Variants in SYNE1 observed in about 807,000 individuals in gnomAD.
The protein encoded by SYNE1 is nesprin-1.
Under a neutral mutation model 1,111.0 loss-of-function variants are expected in SYNE1, and 616 were observed. The ratio of observed to expected loss-of-function variants is 0.55; its 90% CI spans 0.52 to 0.59. SYNE1 has a LOEUF of 0.59. Ranked by LOEUF, SYNE1 falls within the 20% of genes least tolerant of loss-of-function variation. The pLI is 0.00. For missense variants in SYNE1, 10,006 were observed against 10,417.0 expected (o/e 0.96, Z 1.72); for synonymous variants, 3,855 against 3,825.8 (o/e 1.01, Z -0.28).
intron 11 of SYNE1, among the ~76,000 whole-genome samples, chr6:152,497,100 G>A (rs1232013525): frequency 6.6e-6 from 1 of 152,068 alleles, no homozygotes; most frequent in African/African-American, 2.4e-5. Context: ...GCCTGCACTT[G>A]GGTGATTAAA....
chr6:152,266,953 G>A (rs1284655679), intron 100 of SYNE1, among the ~76,000 whole-genome samples: 2 of 151,096 alleles, frequency 1.3e-5, no homozygotes, highest in African/African-American at 4.9e-5. Context: ...TATTATTGAC[G>A]GTCTATTCTA....
At position 152,387,345 on chromosome 6, in the gene SYNE1, A is replaced by C; in HGVS notation, c.8214T>G (p.Tyr2738Ter). ...LESVISQWND[Y>*]VERKNQLEQW... Reference sequence around the variant, plus strand: ...GCTCCAACTGGTTTTTCCTCTCTACATAGTCATTCCATTGGCTAATCACAG... The same window carrying C: ...GCTCCAACTGGTTTTTCCTCTCTACCTAGTCATTCCATTGGCTAATCACAG... Residue 2738 changes from tyrosine to a stop codon, truncating the protein, a stop_gained, in exon 54 of 146, where the codon TAT (tyrosine) becomes TAG (stop). Transcript: ENST00000367255. LOFTEE classifies it high-confidence loss of function. 6.2e-7 allele frequency: 1 copy of C among 1,614,160 alleles called. No homozygotes were observed. Among genetic ancestry groups the C allele is most frequent in the Non-Finnish European group, 8.5e-7 (1 of 1,180,008 alleles).
At chr6:152,298,753 A>T (rs976724614) in intron 93 of SYNE1, among the ~76,000 whole-genome samples, 4 of 152,166 alleles carry the variant, frequency 2.6e-5, no homozygotes, top group Admixed American at 1.3e-4. Context: ...TCATGGTGTC[A>T]TATTTTTTCA....
At chr6:152,512,887 G>C (rs2099092371) in intron 6 of SYNE1, among the ~76,000 whole-genome samples, 1 of 152,094 alleles carries the variant, frequency 6.6e-6, no homozygotes, top group Non-Finnish European at 1.5e-5. Context: ...CATCCAAAGA[G>C]AATGAAGAAT....
At chr6:152,300,916 T>A in intron 92 of SYNE1, 135 bp from the exon 93 acceptor site, 5 of 1,196,786 alleles carry the variant, frequency 4.2e-6, no homozygotes, top group Non-Finnish European at 4.8e-6. Context: ...ATTCACATAT[T>A]AATCCTGTGT....
intron 76 of SYNE1, chr6:152,336,602 G>C: frequency 1.8e-6 from 1 of 570,016 alleles, no homozygotes; most frequent in East Asian, 3.3e-5. Flanking sequence ...GATCTGACAG[G>C]AGGTGGAGTT....
At chr6:152,485,121 G>T in intron 12 of SYNE1, 149 bp from the exon 13 acceptor site, 1 of 934,978 alleles carries the variant, frequency 1.1e-6, no homozygotes, top group South Asian at 1.6e-5. Context: ...GATACTAATA[G>T]CAGCTGTCAT....
At chr6:152,400,140 C>A (rs1309131064) in intron 47 of SYNE1, among the ~76,000 whole-genome samples, 1 of 151,808 alleles carries the variant, frequency 6.6e-6, no homozygotes, top group African/African-American at 2.4e-5. Context: ...GATTAGAGAC[C>A]ATCGCAGTTC....
intron 131 of SYNE1, among the ~76,000 whole-genome samples, chr6:152,159,123 C>T (rs139984270): frequency 2.0e-4 from 31 of 152,204 alleles, no homozygotes; most frequent in South Asian, 6.2e-4. Flanking sequence ...AGCTAATTTT[C>T]GTATTTTTAG....
intron 62 of SYNE1, 27 bp from the exon 63 acceptor site, chr6:152,365,046 T>C (rs2097043015): frequency 2.5e-6 from 4 of 1,613,302 alleles, no homozygotes; most frequent in Non-Finnish European, 3.4e-6. Context: ...AGAAGTCCTT[T>C]GTCATTTGTA....
rs2097913021 is a variant in SYNE1, at chr6:152,407,127, A to G, written c.6610T>C (p.Ser2204Pro). The change falls in exon 45 of 146, where the codon TCA (serine) becomes CCA (proline). Residue 2204 changes from serine (S) to proline (P), a missense_variant. Ser to Pro is a moderately conservative substitution (Grantham distance 74, BLOSUM62 -1). Transcript: ENST00000367255. ...CATCCCTCAATCTCATCTCTAGTTG[A>G]CAGTACATCATCCCAAATGGACAGG... ...VSLSIWDDVL[S>P]TRDEIEGWSN... 1.9e-6 allele frequency: 3 copies of G among 1,614,022 alleles called. No homozygotes were observed. The highest frequency in any genetic ancestry group is 1.7e-6 in the Non-Finnish European group (2 of 1,179,998).
intron 18 of SYNE1, among the ~76,000 whole-genome samples, chr6:152,464,111 A>C (rs1345459070): frequency 6.6e-6 from 1 of 152,202 alleles, no homozygotes; most frequent in Non-Finnish European, 1.5e-5. Flanking sequence ...CCATCGAAGC[A>C]AAAAATTTTA....
In SYNE1 at chr6:152,206,327, G is replaced by C. The variant is rs920698459; in HGVS notation, c.22860C>G (p.Ser7620Arg). ...KEKVFLRQQG[S>R]YILTVEAGKQ... Reference sequence around the variant, plus strand: ...TGCCAGCCTCCACAGTCAGGATGTAGCTGCCTTGTTGCCGCAGAAACACTT... The same window carrying C: ...TGCCAGCCTCCACAGTCAGGATGTACCTGCCTTGTTGCCGCAGAAACACTT... The change falls in exon 126 of 146, where the codon AGC becomes AGG. Residue 7620 changes from serine to arginine, a missense_variant. Ser to Arg is a moderately radical substitution (Grantham distance 110). Coordinates refer to ENST00000367255, the MANE Select transcript of SYNE1 (RefSeq NM_182961.4). 5.0e-6 allele frequency: 8 copies of C among 1,614,028 alleles called. No individual in the cohort carries two copies. The Middle Eastern group carries it at 1.3e-3, about 271-fold the overall frequency.
At chr6:152,290,493 T>G (rs952346332) in intron 95 of SYNE1, among the ~76,000 whole-genome samples, 3 of 152,068 alleles carry the variant, frequency 2.0e-5, no homozygotes, top group African/African-American at 7.2e-5. Context: ...GGAGGTGAGG[T>G]TGCAGTGAGC....
chr6:152,343,475 T>C (rs548307588), intron 74 of SYNE1, among the ~76,000 whole-genome samples: 10 of 149,368 alleles, frequency 6.7e-5, no homozygotes, highest in Non-Finnish European at 1.3e-4. Context: ...TCTTTCTTTT[T>C]TTTTTTTCTT....
intron 106 of SYNE1, among the ~76,000 whole-genome samples, chr6:152,244,219 G>A (rs1028244733): frequency 5.9e-5 from 9 of 152,102 alleles, no homozygotes; most frequent in Middle Eastern, 3.4e-3. Flanking sequence ...ATTTTTCTAG[G>A]TAGGATTAAA....
chr6:152,212,911 AT>A (rs1269648229), intron 123 of SYNE1, among the ~76,000 whole-genome samples: 3 of 152,172 alleles, frequency 2.0e-5, no homozygotes, highest in Non-Finnish European at 2.9e-5. Flanking sequence ...TACCTTAGAT[AT>A]CTTTAAATTT....
intron 3 of SYNE1, chr6:152,547,113 G>A (rs2099317589): frequency 6.6e-6 from 1 of 152,248 alleles, no homozygotes; most frequent in Admixed American, 6.5e-5. Context: ...AATGGGCCCA[G>A]GCACAGCTGG....
At chr6:152,322,105 A>C (rs1464132604) in intron 82 of SYNE1, among the ~76,000 whole-genome samples, 2 of 152,222 alleles carry the variant, frequency 1.3e-5, no homozygotes, top group East Asian at 3.8e-4. Context: ...TGACTGTCTC[A>C]CATGCCACTA....
Sources: gnomAD v4.1 joint callset for allele counts (sites outside exome capture counted in the v4.1 genomes callset) on GRCh38, gnomAD v4.1.1 for gene constraint, MANE v1.5 for transcripts, NCBI Gene and HGNC (gene_info 2026-07-23, HGNC 2026-07-21) for gene names.